Variants in PLXNB2 observed in about 807,000 individuals in gnomAD.
PLXNB2 encodes plexin-B2.
PLXNB2 carries 85 observed loss-of-function variants against 202.6 expected under a neutral mutation model. The ratio of observed to expected loss-of-function variants is 0.42; its 90% confidence interval spans 0.35 to 0.50. The LOEUF (loss-of-function observed/expected upper bound fraction) is 0.50. Ranked by LOEUF, PLXNB2 falls within the 20% of genes least tolerant of loss-of-function variation. The probability of loss-of-function intolerance (pLI) is 0.02; values close to 1 mark genes in which losing one functional copy is unlikely to be tolerated. For missense variants in PLXNB2, 2,063 were observed against 2,586.2 expected (o/e 0.80, Z 4.39); for synonymous variants, 1,239 against 1,137.6 (o/e 1.09, Z -1.79).
intron 8 of PLXNB2, 21 bp from the exon 9 acceptor site, chr22:50,286,308 G>A (rs1308157495): frequency 1.3e-6 from 2 of 1,572,606 alleles, no homozygotes; most frequent in Admixed American, 3.3e-5. Context: ...CAGAGGGGGA[G>A]GTGTCAAGGT....
chr22:50,277,459 G>T, intron 33 of PLXNB2, 132 bp downstream of exon 33: 1 of 924,618 alleles, frequency 1.1e-6, no homozygotes, highest in Non-Finnish European at 1.5e-6. Context: ...TCCGCCACCC[G>T]TCACCTCCTA....
intron 2 of PLXNB2, among the ~76,000 whole-genome samples, chr22:50,294,137 G>T (rs2067090690): frequency 6.6e-6 from 1 of 152,252 alleles, no homozygotes; most frequent in Non-Finnish European, 1.5e-5. Context: ...CTGTGTTCCT[G>T]GAACAGGAGG....
chr22:50,293,890 C>T (rs955327134), intron 2 of PLXNB2, among the ~76,000 whole-genome samples: 4 of 152,248 alleles, frequency 2.6e-5, no homozygotes, highest in African/African-American at 7.2e-5. Flanking sequence ...TAAACACCAC[C>T]GTGTGCCACC....
At chr22:50,286,985 C>T in intron 8 of PLXNB2, 126 bp downstream of exon 8, 6 of 983,300 alleles carry the variant, frequency 6.1e-6, no homozygotes, top group Non-Finnish European at 8.4e-6. Flanking sequence ...GGCTGGGCCC[C>T]CGGAGCAGCC....
chr22:50,287,884 C>T, intron 6 of PLXNB2, 53 bp downstream of exon 6: 1 of 1,586,964 alleles, frequency 6.3e-7, no homozygotes, highest in Admixed American at 1.8e-5. Flanking sequence ...CAGGCCACGA[C>T]CTTCCGGGAT....
intron 14 of PLXNB2, 38 bp downstream of exon 14, chr22:50,283,795 G>A: frequency 6.2e-7 from 1 of 1,612,634 alleles, no homozygotes. Context: ...TCATGCCAGG[G>A]ACGAGGGAAG....
intron 27 of PLXNB2, 142 bp downstream of exon 27, chr22:50,279,488 C>T (rs2065840697): frequency 4.9e-6 from 4 of 823,126 alleles, no homozygotes; most frequent in Non-Finnish European, 3.9e-6. Context: ...TCCCTGAGGC[C>T]GAGTTAGAGC....
Position 50,288,768 on chromosome 22 carries a change from C to A in PLXNB2, c.1355G>T (p.Ser452Ile), listed in dbSNP as rs1202484286. The A allele has an allele frequency of 6.2e-7, 1 of 1,613,022 alleles. No individual in the cohort carries two copies. Among genetic ancestry groups the A allele is most frequent in the East Asian group, 2.2e-5 (1 of 44,884 alleles). ...CTTGTCCTGGGTCATGGCGTACAGG[C>A]TGCCCAGGTCTCCAGACAGTACCAG... ...RDLVLSGDLG[S>I]LYAMTQDKVF... Residue 452 changes from serine (S) to isoleucine (I), a missense_variant, in exon 5 of 37, where the codon AGC becomes ATC. Physicochemically the swap from Ser to Ile is moderately radical, Grantham distance 142 (BLOSUM62 -2). Coordinates refer to ENST00000359337, the MANE Select transcript of PLXNB2 (RefSeq NM_012401.4). The surrounding 1 kb of genome is among the most constrained non-coding windows in gnomAD (Gnocchi z 5.0).
chr22:50,283,397 G>C lies in PLXNB2; in HGVS notation c.2619C>G (p.Val873=). 1 of 1,613,158 alleles carries C rather than the reference G, an allele frequency of 6.2e-7. No homozygotes were observed. Among genetic ancestry groups the C allele is most frequent in the Non-Finnish European group, 8.5e-7 (1 of 1,179,920 alleles). The change falls in exon 16 of 37, where the codon GTC becomes GTG. Residue 873 remains valine, a synonymous_variant. Coordinates refer to ENST00000359337, the MANE Select transcript of PLXNB2 (RefSeq NM_012401.4). ...CCAGTTTCCCGAAGACGTCCACCTCGACACCCCCCGTGAAAGGCGTCTCCG... is the reference window on the plus strand; with the variant it reads ...CCAGTTTCCCGAAGACGTCCACCTCCACACCCCCCGTGAAAGGCGTCTCCG... ...EAAETPFTGG[V]EVDVFGKLGR... is the part of the protein sequence containing the mutation.
At chr22:50,299,303 G>GT (rs1439198930) in intron 1 of PLXNB2, among the ~76,000 whole-genome samples, 1 of 141,216 alleles carries the variant, frequency 7.1e-6, no homozygotes, top group African/African-American at 2.5e-5. Flanking sequence ...CGTGGGGTGG[G>GT]GGGGGGGCCC....
chr22:50,300,389 C>G, intron 1 of PLXNB2: 1 of 923,712 alleles, frequency 1.1e-6, no homozygotes, highest in Non-Finnish European at 1.3e-6. Flanking sequence ...CCCGTGCCCC[C>G]GGTCGGTCTC....
At chr22:50,282,430 G>T in intron 18 of PLXNB2, 117 bp from the exon 19 acceptor site, 1 of 1,137,020 alleles carries the variant, frequency 8.8e-7, no homozygotes, top group Non-Finnish European at 1.2e-6. Flanking sequence ...TGCATGTGTG[G>T]GTCTCGGTGG....
In PLXNB2 at chr22:50,277,931, A is replaced by G; in HGVS notation, c.4970T>C (p.Phe1657Ser). ...TGCCTGCTCGTCCAGGAAGTCGAAG[A>G]AGTACTTGACTGCAGGTGGCACCGC... ...GHAVPPAVKYFFDFLDEQAEK... is the reference protein window; with the variant it reads ...GHAVPPAVKYSFDFLDEQAEK... Residue 1657 changes from phenylalanine (F) to serine (S), a missense_variant, in exon 32 of 37, where the codon TTC becomes TCC. Physicochemically the swap from Phe to Ser is radical, Grantham distance 155 (BLOSUM62 -2). Around this residue, in one of 2 missense-constraint regions of PLXNB2, gnomAD observed 760 missense variants for 1,109.4 expected, o/e 0.69. Transcript: ENST00000359337. 6.2e-7 allele frequency: 1 copy of G among 1,613,190 alleles called. No individual in the cohort carries two copies. Among genetic ancestry groups the G allele is most frequent in the Non-Finnish European group, 8.5e-7 (1 of 1,179,900 alleles).
intron 1 of PLXNB2, among the ~76,000 whole-genome samples, chr22:50,304,274 G>C (rs1408221624): frequency 6.6e-6 from 1 of 152,216 alleles, no homozygotes; most frequent in East Asian, 1.9e-4. Flanking sequence ...GCCAGTCACT[G>C]TCACAGGTTC....
Position 50,281,861 on chromosome 22 carries a change from T to C in PLXNB2, c.3338A>G (p.His1113Arg). Residue 1113 changes from histidine (H) to arginine (R), a missense_variant, in exon 20 of 37, where the codon CAC (histidine) becomes CGC (arginine). Coordinates refer to ENST00000359337, the MANE Select transcript of PLXNB2 (RefSeq NM_012401.4). ...GGGCTGCACCGTCCTCACCCGGGCGTGGATGAGCTTGTTGACCTGCTTCTT... is the reference window on the plus strand; with the variant it reads ...GGGCTGCACCGTCCTCACCCGGGCGCGGATGAGCTTGTTGACCTGCTTCTT... ...GVKKQVNKLIHARGTNLNKAM... is the reference protein window; with the variant it reads ...GVKKQVNKLIRARGTNLNKAM... 6.2e-7 allele frequency: 1 copy of C among 1,612,100 alleles called. No individual in the cohort carries two copies. The highest frequency in any genetic ancestry group is 8.5e-7 in the Non-Finnish European group (1 of 1,179,622).
chr22:50,302,401 G>A (rs1461678422), intron 1 of PLXNB2, among the ~76,000 whole-genome samples: 1 of 152,178 alleles, frequency 6.6e-6, no homozygotes, highest in Non-Finnish European at 1.5e-5. Context: ...GGTGCCCCTG[G>A]AGGCCAGGTC....
Position 50,284,310 on chromosome 22 carries a change from T to G in PLXNB2, c.2182-97A>C. ...AGCCTCCCTGTGGCCACCGGGTCCC[T>G]TCCCAGCCAAGGGCAGCAGGGGAGG... On this transcript the variant is annotated intron_variant, in intron 12 of 36. Coordinates refer to ENST00000359337, the MANE Select transcript of PLXNB2 (RefSeq NM_012401.4). This position sits in a 1 kb window ranked among gnomAD's most constrained non-coding sequence, Gnocchi z 8.0. The G allele has an allele frequency of 8.4e-7, 1 of 1,194,504 alleles. No individual in the cohort carries two copies. The highest frequency in any genetic ancestry group is 1.2e-6 in the Non-Finnish European group (1 of 808,998). The allele number at this position is 1,194,504 out of a possible 1,614,324, so 74.0% of individuals were successfully genotyped here. A position where few individuals can be genotyped will look rare whatever the true frequency, so the allele number is the denominator to read the frequency against.
rs142378898 is a variant in PLXNB2, at chr22:50,292,104, G to A, written c.-13-1507C>T. Among the ~76,000 whole-genome samples, 253 of 152,292 alleles carry A rather than the reference G, an allele frequency of 1.7e-3. 3 individuals are homozygous for A. Among genetic ancestry groups the A allele is most frequent in the African/African-American group, 5.8e-3 (241 of 41,574 alleles). On this transcript the variant is annotated intron_variant, in intron 2 of 36. Coordinates refer to ENST00000359337, the MANE Select transcript of PLXNB2 (RefSeq NM_012401.4). ...TGTAATCCCAGCACCTTGGGAGGCC[G>A]AGGCGGGCGGATCACGAGGTCAGGA...
chr22:50,294,704 A>G lies in PLXNB2; in HGVS notation c.-14+15T>C. On this transcript the variant is annotated intron_variant, in intron 2 of 36. Transcript: ENST00000359337. ...GCCCCAGCCACCCACTGCCTTTCCC[A>G]GGTGGGGTACAGACCCCTCACCGAG... 1 of 980,726 alleles carries G rather than the reference A, an allele frequency of 1.0e-6. No homozygotes were observed. Among genetic ancestry groups the G allele is most frequent in the Non-Finnish European group, 1.2e-6 (1 of 825,602 alleles). The allele number at this position is 980,726 out of a possible 1,614,324, so 60.8% of individuals were successfully genotyped here. A position where few individuals can be genotyped will look rare whatever the true frequency, so the allele number is the denominator to read the frequency against.
Sources: gnomAD v4.1 joint callset for allele counts (sites outside exome capture counted in the v4.1 genomes callset) on GRCh38, gnomAD v4.1.1 for gene constraint, gnomAD v4.1.1 regional missense constraint, Gnocchi (gnomAD v3.1) non-coding constraint, MANE v1.5 for transcripts, NCBI Gene and HGNC (gene_info 2026-07-23, HGNC 2026-07-21) for gene names.